Variants in DHRS9 observed in about 807,000 individuals in gnomAD.
DHRS9 encodes dehydrogenase/reductase 9.
In DHRS9, 18 loss-of-function variants were observed where a neutral mutation model predicts 26.6. That is an observed-to-expected ratio of 0.68 (90% CI 0.47 to 1.00). DHRS9 has a LOEUF of 1.00. Ranked by LOEUF, DHRS9 falls within the 50% of genes least tolerant of loss-of-function variation. The pLI is 0.00. For missense variants in DHRS9, 425 were observed against 378.7 expected (o/e 1.12, Z -1.01); for synonymous variants, 134 against 141.1 (o/e 0.95, Z 0.36).
chr2:169,095,856 C>CGAGT lies in DHRS9; in HGVS notation c.*89_*90insGAGT. The stretch of plus-strand genomic sequence containing the variant: ...TTTTCAACCCCATTCCTTATCTGCT[C>CGAGT]CAACCTGGACTCATTTAGATCGTGC... On this transcript the variant is annotated 3_prime_UTR_variant, in exon 5 of 5. Transcript: ENST00000674881. 8.6e-7 allele frequency: 1 copy of CGAGT among 1,160,112 alleles called. No individual in the cohort carries two copies. Among genetic ancestry groups the CGAGT allele is most frequent in the South Asian group, 1.4e-5 (1 of 72,934 alleles). The allele number at this position is 1,160,112 out of a possible 1,614,324, so 71.9% of individuals were successfully genotyped here.
Position 169,095,762 on chromosome 2 carries a change from G to T in DHRS9, c.955G>T (p.Val319Leu). 1 of 1,613,424 alleles carries T rather than the reference G, an allele frequency of 6.2e-7. No homozygotes were observed. The highest frequency in any genetic ancestry group is 1.1e-5 in the South Asian group (1 of 91,066). ...AGCAGAGCTGGCTAATCCCAAGGCAGTGTGACTCAGCTAACCACAAATGTC... is the reference window on the plus strand; with the variant it reads ...AGCAGAGCTGGCTAATCCCAAGGCATTGTGACTCAGCTAACCACAAATGTC... ...QKAELANPKAV is the reference protein window; with the variant it reads ...QKAELANPKAL The change falls in exon 5 of 5, where the codon GTG becomes TTG. Residue 319 changes from valine to leucine, a missense_variant. Transcript: ENST00000674881.
At chr2:169,079,983 GAGAAAGAAAGAAAGAAAGAAAGAA>G (rs1279888912) in intron 1 of DHRS9, among the ~76,000 whole-genome samples, 1,217 of 46,786 alleles carry the variant, frequency 0.026, 25 homozygotes, top group African/African-American at 0.045. Flanking sequence ...GAGAGAGAGA[GAGAAAGAAAGAAAGAAAGAAAGAA>G]AGAAAGAAAG....
chr2:169,081,128 G>A (rs1684167258), intron 1 of DHRS9: 9 of 998,886 alleles, frequency 9.0e-6, no homozygotes, highest in Non-Finnish European at 1.1e-5. Flanking sequence ...CCATTCTGCA[G>A]TGGAATTTCA....
intron 1 of DHRS9, among the ~76,000 whole-genome samples, chr2:169,072,846 A>T (rs74506982): frequency 0.025 from 3,768 of 152,220 alleles, 160 homozygotes; most frequent in African/African-American, 0.085. Context: ...TAGAGTTCAG[A>T]GAGTTTTAGT....
intron 4 of DHRS9, among the ~76,000 whole-genome samples, chr2:169,093,015 G>A (rs1684581961): frequency 6.6e-6 from 1 of 152,246 alleles, no homozygotes; most frequent in South Asian, 2.1e-4. Context: ...ATGTGAACAA[G>A]GCATTAAGGA....
chr2:169,083,671 C>A (rs1684264326), intron 3 of DHRS9, 84 bp downstream of exon 3: 3 of 1,474,042 alleles, frequency 2.0e-6, no homozygotes, highest in Non-Finnish European at 2.7e-6. Context: ...CTATTTAGTA[C>A]CTTTCAAAAA....
At chr2:169,093,373 G>A (rs1470930344) in intron 4 of DHRS9, among the ~76,000 whole-genome samples, 1 of 151,280 alleles carries the variant, frequency 6.6e-6, no homozygotes, top group Non-Finnish European at 1.5e-5. Flanking sequence ...CACACACAGA[G>A]GTACACACAT....
intron 2 of DHRS9, 79 bp from the exon 3 acceptor site, chr2:169,083,250 A>T: frequency 6.5e-7 from 1 of 1,534,740 alleles, no homozygotes; most frequent in East Asian, 2.3e-5. Flanking sequence ...CCATTGTGCA[A>T]AGCAGGGGCT....
chr2:169,079,224 G>C (rs1046040614), intron 1 of DHRS9, among the ~76,000 whole-genome samples: 1 of 151,832 alleles, frequency 6.6e-6, no homozygotes. Context: ...AGCAGAGCCC[G>C]AAATTTTCTT....
intron 3 of DHRS9, among the ~76,000 whole-genome samples, chr2:169,083,828 C>T (rs1379746337): frequency 6.6e-6 from 1 of 152,138 alleles, no homozygotes; most frequent in Non-Finnish European, 1.5e-5. Flanking sequence ...TTTATCCTTT[C>T]TTTGTGTTAC....
At chr2:169,077,548 C>A (rs957711298) in intron 1 of DHRS9, among the ~76,000 whole-genome samples, 2 of 151,918 alleles carry the variant, frequency 1.3e-5, no homozygotes, top group Admixed American at 6.6e-5. Flanking sequence ...ACAAATACTA[C>A]TGCGGTTTGT....
At chr2:169,084,371 G>C (rs1684286770) in intron 3 of DHRS9, among the ~76,000 whole-genome samples, 1 of 152,108 alleles carries the variant, frequency 6.6e-6, no homozygotes. Context: ...CGGTATTGCT[G>C]GATCATATGG....
chr2:169,069,408 G>A (rs1683735195), upstream of DHRS9: 2 of 985,350 alleles, frequency 2.0e-6, no homozygotes, highest in African/African-American at 3.5e-5. Context: ...TCTAAAAGTA[G>A]CTAAATTTAT....
chr2:169,091,224 T>TATAAAATAAA lies in DHRS9; in HGVS notation c.573-499_573-490dup, dbSNP rs56686443. On this transcript the variant is annotated intron_variant, in intron 3 of 4. Transcript: ENST00000674881. ...CTTTTAGTTTTCTGCTGCAGCATGATATAAAATAAAATAAAATAAAATAAA... is the reference window on the plus strand; with the variant it reads ...CTTTTAGTTTTCTGCTGCAGCATGATATAAAATAAAATAAAATAAAATAAAATAAAATAAA... Among the ~76,000 whole-genome samples the TATAAAATAAA allele has an allele frequency of 3.4e-3, 417 of 121,174 alleles. 11 individuals carry two copies. The highest frequency in any genetic ancestry group is 5.9e-3 in the African/African-American group (193 of 32,500). 79.5% of individuals were successfully genotyped at this position (121,174 alleles called of 152,430 possible).
intron 3 of DHRS9, among the ~76,000 whole-genome samples, chr2:169,090,201 C>T (rs1684478894): frequency 6.6e-6 from 1 of 152,166 alleles, no homozygotes; most frequent in Admixed American, 6.5e-5. Context: ...GGCAGCAGTC[C>T]ATTTGAGAGA....
intron 1 of DHRS9, among the ~76,000 whole-genome samples, chr2:169,080,395 T>C (rs1050193437): frequency 3.3e-5 from 5 of 152,202 alleles, no homozygotes; most frequent in African/African-American, 9.6e-5. Flanking sequence ...GATGATCTCA[T>C]TCTCTTGGGC....
chr2:169,086,658 G>A (rs1297654901), intron 3 of DHRS9, among the ~76,000 whole-genome samples: 1 of 152,068 alleles, frequency 6.6e-6, no homozygotes, highest in Non-Finnish European at 1.5e-5. Flanking sequence ...TATTTGAAGG[G>A]ACTTGGCTGT....
At chr2:169,074,302 G>T in intron 1 of DHRS9, 1 of 985,468 alleles carries the variant, frequency 1.0e-6, no homozygotes, top group Non-Finnish European at 1.2e-6. Flanking sequence ...AGGGCCCTCT[G>T]ATGATAGTGA....
At chr2:169,074,185 C>A (rs1683891998) in intron 1 of DHRS9, 1 of 761,874 alleles carries the variant, frequency 1.3e-6, no homozygotes, top group Non-Finnish European at 1.6e-6. Flanking sequence ...AAAGTTCTTA[C>A]TGTAACGGCA....
Sources: allele counts gnomAD v4.1 joint callset (sites outside exome capture counted in the v4.1 genomes callset), GRCh38; gene constraint gnomAD v4.1.1; transcripts MANE v1.5; gene names NCBI Gene and HGNC (gene_info 2026-07-23, HGNC 2026-07-21).